The following NIT2 variants were observed in gnomAD, a reference collection of about 807,000 sequenced individuals.
NIT2 encodes omega-amidase NIT2.
NIT2 carries 46 observed loss-of-function variants against 42.7 expected under a neutral mutation model. The observed-to-expected ratio is 1.08, with a 90% CI of 0.85 to 1.38. NIT2 has a LOEUF of 1.38. Ranked by LOEUF, NIT2 falls within the 40% of genes most tolerant of loss-of-function variation. The pLI, the probability that NIT2 is intolerant of heterozygous loss-of-function variation, is 0.00. For synonymous variants in NIT2, 123 were observed against 121.9 expected (o/e 1.01, Z -0.06); for missense variants, 309 against 342.5 (o/e 0.90, Z 0.77).
chr3:100,338,359 A>G (rs277621), intron 1 of NIT2, among the ~76,000 whole-genome samples: 112,998 of 152,074 alleles, frequency 0.74, 42,856 homozygotes, highest in East Asian at 0.93. Flanking sequence ...GCTGTTTAAT[A>G]TCATGTTCTC....
chr3:100,348,923 C>T (rs748561666), intron 7 of NIT2, 42 bp downstream of exon 7: 2 of 1,567,492 alleles, frequency 1.3e-6, no homozygotes, highest in African/African-American at 2.7e-5. Flanking sequence ...GGCATGTCCT[C>T]TTTGTAGAAA....
Position 100,345,664 on chromosome 3 carries a change from C to T in NIT2, c.416C>T (p.Ser139Phe), listed in dbSNP as rs768553592. 8 of 1,609,738 alleles carry T rather than the reference C, an allele frequency of 5.0e-6. No individual in the cohort carries two copies. The highest frequency in any genetic ancestry group is 1.7e-5 in the Admixed American group (1 of 59,982). Residue 139 changes from serine (S) to phenylalanine (F), a missense_variant, in exon 5 of 10, where the codon TCC (serine) becomes TTC (phenylalanine). Transcript: ENST00000394140. ...ACATTGAGTCCGGGTGATAGTTTCTCCACATTTGATACTCGTATGTACCAG... is the reference window on the plus strand; with the variant it reads ...ACATTGAGTCCGGGTGATAGTTTCTTCACATTTGATACTCGTATGTACCAG... Reference protein sequence around the residue: ...SKTLSPGDSFSTFDTPYCRVG... With the variant: ...SKTLSPGDSFFTFDTPYCRVG...
In NIT2 at chr3:100,336,497, A is replaced by AT. The variant is rs371914982; in HGVS notation, c.7+1700dup. Among the ~76,000 whole-genome samples, 485 of 152,236 alleles carry AT rather than the reference A, an allele frequency of 3.2e-3. 3 individuals carry two copies. The highest frequency in any genetic ancestry group is 0.011 in the African/African-American group (457 of 41,530). Reference sequence around the variant, plus strand: ...CGGCCTCTGAGTTCCCTTAGTATTTATGATCATTCTTGGGTGTTTCTCGGA... The same window carrying AT: ...CGGCCTCTGAGTTCCCTTAGTATTTATTGATCATTCTTGGGTGTTTCTCGGA... On this transcript the variant is annotated intron_variant, in intron 1 of 9. Coordinates refer to ENST00000394140, the MANE Select transcript of NIT2 (RefSeq NM_020202.5).
chr3:100,339,987 T>A, intron 3 of NIT2, 52 bp downstream of exon 3: 1 of 1,538,974 alleles, frequency 6.5e-7, no homozygotes, highest in Non-Finnish European at 8.8e-7. Context: ...AACATCTGAA[T>A]GAGTCAGGTG....
rs1706314633 is a variant in NIT2, at chr3:100,355,215, G to GT, written c.783dup (p.Arg262Ter). The stretch of plus-strand genomic sequence containing the variant: ...GGCTGAAATACGCCAGCAAATCCCC[G>GT]TTTTTAGACAGAAGCGATCAGACCT... On this transcript the variant is annotated frameshift_variant, in exon 10 of 10. Transcript: ENST00000394140. LOFTEE classifies it high-confidence loss of function. 1 of 1,614,042 alleles carries GT rather than the reference G, an allele frequency of 6.2e-7. No individual in the cohort carries two copies. Among genetic ancestry groups the GT allele is most frequent in the East Asian group, 2.2e-5 (1 of 44,870 alleles).
At chr3:100,342,012 C>T (rs1461950822) in intron 4 of NIT2, among the ~76,000 whole-genome samples, 1 of 151,906 alleles carries the variant, frequency 6.6e-6, no homozygotes, top group Non-Finnish European at 1.5e-5. Flanking sequence ...CACTGCACTC[C>T]AACCTGGGCA....
intron 4 of NIT2, among the ~76,000 whole-genome samples, chr3:100,344,948 A>AT (rs1171362130): frequency 2.2e-5 from 2 of 89,094 alleles, no homozygotes; most frequent in African/African-American, 5.1e-5. Flanking sequence ...TCTGATAAGT[A>AT]TTTTTTTTTT....
chr3:100,337,056 G>C (rs1706084819), intron 1 of NIT2, among the ~76,000 whole-genome samples: 2 of 152,264 alleles, frequency 1.3e-5, no homozygotes, highest in South Asian at 4.1e-4. Flanking sequence ...CTCTTAAGGA[G>C]CATGCTGCCT....
rs181959350 is a variant in NIT2 at position 100,358,865 on chromosome 3, T to C, written c.*3597T>C. On this transcript the variant is annotated 3_prime_UTR_variant, in exon 10 of 10. Transcript: ENST00000394140. ...GTTTTAAGTCTTTTGTGCTACTTTT[T>C]AGGCATTGCTGTGTAAGTTTTGGTG... The C allele has an allele frequency of 6.8e-4, 104 of 152,350 alleles. No homozygotes were observed. Among genetic ancestry groups the C allele is most frequent in the African/African-American group, 2.5e-3 (102 of 41,576 alleles). 9.4% of individuals were successfully genotyped at this position (152,350 alleles called of 1,614,324 possible). A position where few individuals can be genotyped will look rare whatever the true frequency, so the allele number is the denominator to read the frequency against.
Position 100,339,951 on chromosome 3 carries a change from C to T in NIT2, c.247+16C>T. The T allele has an allele frequency of 1.9e-6, 3 of 1,608,244 alleles. No individual in the cohort carries two copies. Among genetic ancestry groups the T allele is most frequent in the Non-Finnish European group, 2.5e-6 (3 of 1,176,914 alleles). On this transcript the variant is annotated intron_variant, in intron 3 of 9. Transcript: ENST00000394140. Reference sequence around the variant, plus strand: ...CTCATTGGAGGTAACTTCCTACCCACAAGGTATAATGACCTAAACATTAGA... The same window carrying T: ...CTCATTGGAGGTAACTTCCTACCCATAAGGTATAATGACCTAAACATTAGA...
At chr3:100,337,746 C>A (rs1706094828) in intron 1 of NIT2, among the ~76,000 whole-genome samples, 1 of 152,184 alleles carries the variant, frequency 6.6e-6, no homozygotes, top group African/African-American at 2.4e-5. Flanking sequence ...AGCCATCACA[C>A]CCGGCGGAAA....
rs1237667974 is a variant in NIT2 at position 100,361,389 on chromosome 3, C to G, written c.*6121C>G. On this transcript the variant is annotated 3_prime_UTR_variant, in exon 10 of 10. Transcript: ENST00000394140. ...CACTTGCACAGGTTATCTTTAAGCA[C>G]CAACAAAAGAAATGGAGAAATTTGA... is the stretch of plus-strand genomic sequence containing the variant. 1.3e-5 allele frequency: 2 copies of G among 152,154 alleles called. No individual in the cohort carries two copies. Among genetic ancestry groups the G allele is most frequent in the Admixed American group, 1.3e-4 (2 of 15,266 alleles). The allele number at this position is 152,154 out of a possible 1,614,324, so 9.4% of individuals were successfully genotyped here. A position where few individuals can be genotyped will look rare whatever the true frequency, so the allele number is the denominator to read the frequency against.
In NIT2 at chr3:100,341,081, C is replaced by A. The variant is rs781437446; in HGVS notation, c.256C>A (p.Pro86Thr). 6 of 1,610,500 alleles carry A rather than the reference C, an allele frequency of 3.7e-6. No homozygotes were observed. The South Asian group carries it at 5.5e-5, about 15-fold the overall frequency. The change falls in exon 4 of 10, where the codon CCT becomes ACT. Residue 86 changes from proline (P) to threonine (T), a missense_variant. Coordinates refer to ENST00000394140, the MANE Select transcript of NIT2 (RefSeq NM_020202.5). Reference protein sequence around the residue: ...CSIYLIGGSIPEEDAGKLYNT... With the variant: ...CSIYLIGGSITEEDAGKLYNT... ...TCTTCTCTCAATGAAAGGCTCTATCCCTGAAGAGGATGCTGGGAAATTATA... is the reference window on the plus strand; with the variant it reads ...TCTTCTCTCAATGAAAGGCTCTATCACTGAAGAGGATGCTGGGAAATTATA...
intron 1 of NIT2, among the ~76,000 whole-genome samples, chr3:100,338,734 C>G (rs1465596343): frequency 6.6e-6 from 1 of 152,220 alleles, no homozygotes; most frequent in African/African-American, 2.4e-5. Context: ...ATTCCCTACA[C>G]TGCGTAGTAA....
At chr3:100,346,960 G>T (rs899547079) in intron 6 of NIT2, among the ~76,000 whole-genome samples, 1 of 152,120 alleles carries the variant, frequency 6.6e-6, no homozygotes, top group Admixed American at 6.5e-5. Context: ...AGTAGTCTCT[G>T]TTGAGCCATA....
Position 100,341,400 on chromosome 3 carries a change from G to T in NIT2, c.336+239G>T, listed in dbSNP as rs1211881424. Among the ~76,000 whole-genome samples the T allele has an allele frequency of 3.3e-5, 5 of 151,860 alleles. No individual in the cohort carries two copies. The East Asian group carries it at 9.7e-4, about 29-fold the overall frequency. Reference sequence around the variant, plus strand: ...GTAATTTTTTTTTTGACAGAATCTCGCTCTGTCACCCAGGCTGGAGTATAG... The same window carrying T: ...GTAATTTTTTTTTTGACAGAATCTCTCTCTGTCACCCAGGCTGGAGTATAG... On this transcript the variant is annotated intron_variant, in intron 4 of 9. Transcript: ENST00000394140.
In NIT2 at chr3:100,352,392, T is replaced by C; in HGVS notation, c.585-12T>C. 6.2e-7 allele frequency: 1 copy of C among 1,600,108 alleles called. No homozygotes were observed. Among genetic ancestry groups the C allele is most frequent in the African/African-American group, 1.3e-5 (1 of 74,752 alleles). On this transcript the variant is annotated splice_polypyrimidine_tract_variant and intron_variant, in intron 7 of 9. Transcript: ENST00000394140. ...ATGTACGATTTACCTCTTTCCTGTCTATTGACTACAGGGCTGTTGATAATC... is the reference window on the plus strand; with the variant it reads ...ATGTACGATTTACCTCTTTCCTGTCCATTGACTACAGGGCTGTTGATAATC...
intron 4 of NIT2, among the ~76,000 whole-genome samples, chr3:100,344,476 C>A (rs757160555): frequency 6.6e-6 from 1 of 152,162 alleles, no homozygotes; most frequent in Non-Finnish European, 1.5e-5. Context: ...TGAAGTATAT[C>A]TTTTTAGTAT....
intron 7 of NIT2, 172 bp downstream of exon 7, chr3:100,349,053 C>A: frequency 1.9e-6 from 1 of 531,042 alleles, no homozygotes; most frequent in Non-Finnish European, 3.4e-6. Context: ...TTCTACTGCA[C>A]GTCACTTTCT....
Sources: gnomAD v4.1 joint callset for allele counts (sites outside exome capture counted in the v4.1 genomes callset) on GRCh38, gnomAD v4.1.1 for gene constraint, MANE v1.5 for transcripts, NCBI Gene and HGNC (gene_info 2026-07-23, HGNC 2026-07-21) for gene names.